PITHD1: variants seen among roughly 807,000 people sequenced by gnomAD.
PITHD1 encodes PITH domain containing 1.
Under a neutral mutation model 27.5 loss-of-function variants are expected in PITHD1, and 8 were observed. The observed-to-expected ratio is 0.29, with a 90% CI of 0.17 to 0.52. The LOEUF (loss-of-function observed/expected upper bound fraction) is 0.52, where lower values mean the gene tolerates loss of function less well. PITHD1 is among the 20% of genes least tolerant of loss of function. The probability of loss-of-function intolerance (pLI) is 0.96; values close to 1 mark genes in which losing one functional copy is unlikely to be tolerated. For missense variants in PITHD1, 233 were observed against 283.9 expected (o/e 0.82, Z 1.29); for synonymous variants, 118 against 106.8 (o/e 1.10, Z -0.64).
chr1:23,778,666 G>A lies in PITHD1; in HGVS notation c.151G>A (p.Gly51Ser). Residue 51 changes from glycine to serine, a missense_variant, in exon 1 of 6, where the codon GGC (glycine) becomes AGC (serine). By Grantham distance (56) the Gly-to-Ser change is moderately conservative. Coordinates refer to ENST00000246151, the MANE Select transcript of PITHD1 (RefSeq NM_020362.5). ...QCLNESREGSGRGVFKPWEER... is the reference protein window; with the variant it reads ...QCLNESREGSSRGVFKPWEER... ...CCTTAACGAGAGCCGCGAGGGCAGC[G>A]GCCGCGGCGTCTTCAAGCCGTGGGA... 1 of 1,323,240 alleles carries A rather than the reference G, an allele frequency of 7.6e-7. No individual in the cohort carries two copies. The allele number at this position is 1,323,240 out of a possible 1,614,324, so 82.0% of individuals were successfully genotyped here. A position where few individuals can be genotyped will look rare whatever the true frequency, so the allele number is the denominator to read the frequency against.
At chr1:23,779,250 G>A in intron 1 of PITHD1, 188 bp from the exon 2 acceptor site, 1 of 559,058 alleles carries the variant, frequency 1.8e-6, no homozygotes. Flanking sequence ...CCTTCCAGTT[G>A]GGTGGCCTGT....
At position 23,778,448 on chromosome 1, in the gene PITHD1, T is replaced by G. The variant is rs1638541715; in HGVS notation, c.-68T>G. The G allele has an allele frequency of 3.6e-6, 4 of 1,122,164 alleles. No homozygotes were observed. Among genetic ancestry groups the G allele is most frequent in the Admixed American group, 9.2e-5 (2 of 21,628 alleles). 69.5% of individuals were successfully genotyped at this position (1,122,164 alleles called of 1,614,324 possible). ...CCGGAGCTGAACGGCGCGGAGCTGG[T>G]CTGAGGCGAGCCGAGCCGAGCGAGC... On this transcript the variant is annotated 5_prime_UTR_variant, in exon 1 of 6. Transcript: ENST00000246151.
rs1054775089 is a variant in PITHD1, at chr1:23,778,464, C to G, written c.-52C>G. The G allele has an allele frequency of 2.8e-5, 35 of 1,272,604 alleles. No individual in the cohort carries two copies. The highest frequency in any genetic ancestry group is 3.2e-5 in the Non-Finnish European group (32 of 995,138). The allele number at this position is 1,272,604 out of a possible 1,614,324, so 78.8% of individuals were successfully genotyped here. A position where few individuals can be genotyped will look rare whatever the true frequency, so the allele number is the denominator to read the frequency against. On this transcript the variant is annotated 5_prime_UTR_variant, in exon 1 of 6. Coordinates refer to ENST00000246151, the MANE Select transcript of PITHD1 (RefSeq NM_020362.5). ...CGGAGCTGGTCTGAGGCGAGCCGAGCCGAGCGAGCGCGGCGGTGGGGCCGA... is the reference window on the plus strand; with the variant it reads ...CGGAGCTGGTCTGAGGCGAGCCGAGGCGAGCGAGCGCGGCGGTGGGGCCGA...
intron 4 of PITHD1, 129 bp from the exon 5 acceptor site, chr1:23,786,186 G>A (rs1638679325): frequency 1.8e-6 from 1 of 554,284 alleles, no homozygotes; most frequent in Non-Finnish European, 3.3e-6. Context: ...CAAAGGAGAA[G>A]GAAGAACTCA....
At chr1:23,782,237 G>T (rs1028301627) in intron 3 of PITHD1, among the ~76,000 whole-genome samples, 2 of 151,922 alleles carry the variant, frequency 1.3e-5, no homozygotes, top group Admixed American at 6.6e-5. Flanking sequence ...TGGCCAACAT[G>T]GTGAAACCCT....
intron 3 of PITHD1, among the ~76,000 whole-genome samples, chr1:23,781,239 G>C (rs1219383977): frequency 6.6e-6 from 1 of 152,108 alleles, no homozygotes; most frequent in Non-Finnish European, 1.5e-5. Context: ...GAGGCGGGCG[G>C]ATCACTTGAG....
intron 3 of PITHD1, among the ~76,000 whole-genome samples, chr1:23,783,400 C>T (rs889502991): frequency 3.8e-5 from 5 of 133,198 alleles, no homozygotes; most frequent in Admixed American, 1.5e-4. Context: ...CATATATACG[C>T]ATATATACAC....
chr1:23,780,896 T>A (rs968863949), intron 3 of PITHD1, among the ~76,000 whole-genome samples: 1 of 148,696 alleles, frequency 6.7e-6, no homozygotes, highest in Non-Finnish European at 1.5e-5. Flanking sequence ...TAAAAACAAA[T>A]AAATAAAAAA....
At chr1:23,784,234 C>T (rs376783556) in intron 3 of PITHD1, among the ~76,000 whole-genome samples, 12 of 81,444 alleles carry the variant, frequency 1.5e-4, no homozygotes, top group Admixed American at 3.6e-4. Flanking sequence ...CATTTGCTTT[C>T]TTTTTTTTTT....
At chr1:23,779,787 G>T in intron 2 of PITHD1, 77 bp from the exon 3 acceptor site, 1 of 1,033,000 alleles carries the variant, frequency 9.7e-7, no homozygotes, top group African/African-American at 1.6e-5. Context: ...TACAGGGGAA[G>T]GGTCTTGCCC....
At position 23,787,280 on chromosome 1, in the gene PITHD1, C is replaced by T; in HGVS notation, c.540C>T (p.Arg180=). 3 of 1,613,166 alleles carry T rather than the reference C, an allele frequency of 1.9e-6. No homozygotes were observed. Among genetic ancestry groups the T allele is most frequent in the Non-Finnish European group, 2.5e-6 (3 of 1,179,236 alleles). ...CAGCCTCAATTTTCTTGCAGCTTCG[C>T]CGACACGAGGTGACCATCTGCAATT... ...IGLRGEWTEL[R]RHEVTICNYE... The change falls in exon 6 of 6, where the codon CGC becomes CGT. Residue 180 remains arginine (R), a synonymous_variant. Transcript: ENST00000246151.
chr1:23,785,770 A>C lies in PITHD1; in HGVS notation c.416A>C (p.Tyr139Ser). The stretch of plus-strand genomic sequence containing the variant: ...CGGGATCTTACAGGAGAATTAGAGT[A>C]TGCTACAAAGTAAGCACTGGGCCTG... ...LNRDLTGELE[Y>S]ATKISRFSNV... Residue 139 changes from tyrosine to serine, a missense_variant, in exon 4 of 6, where the codon TAT (tyrosine) becomes TCT (serine). Coordinates refer to ENST00000246151, the MANE Select transcript of PITHD1 (RefSeq NM_020362.5). The C allele has an allele frequency of 6.3e-7, 1 of 1,588,714 alleles. No homozygotes were observed. The highest frequency in any genetic ancestry group is 8.6e-7 in the Non-Finnish European group (1 of 1,156,942).
Position 23,778,608 on chromosome 1 carries a change from G to A in PITHD1, c.93G>A (p.Leu31=), listed in dbSNP as rs1350317946. 1.5e-6 allele frequency: 2 copies of A among 1,334,166 alleles called. No homozygotes were observed. The highest frequency in any genetic ancestry group is 1.9e-6 in the Non-Finnish European group (2 of 1,043,752). The allele number at this position is 1,334,166 out of a possible 1,614,324, so 82.6% of individuals were successfully genotyped here. ...PPEQRGLAYG[L]YLRIDLERLQ... is the part of the protein sequence containing the mutation. ...AGCAGCGCGGCCTGGCCTACGGCCTGTACCTGCGCATCGACCTGGAGCGGC... is the reference window on the plus strand; with the variant it reads ...AGCAGCGCGGCCTGGCCTACGGCCTATACCTGCGCATCGACCTGGAGCGGC... The change falls in exon 1 of 6, where the codon CTG becomes CTA. Residue 31 remains leucine (L), a synonymous_variant. Transcript: ENST00000246151.
At chr1:23,786,498 A>C (rs1270647229) in intron 5 of PITHD1, 75 bp downstream of exon 5, 17 of 567,582 alleles carry the variant, frequency 3.0e-5, no homozygotes, top group Non-Finnish European at 5.0e-5. Flanking sequence ...CTTCCAGGGA[A>C]GGGAAAAGAG....
chr1:23,783,137 C>G (rs1389165242), intron 3 of PITHD1, among the ~76,000 whole-genome samples: 2 of 151,456 alleles, frequency 1.3e-5, no homozygotes, highest in Admixed American at 1.3e-4. Context: ...GCGGGGACTA[C>G]AGGTGCCCGC....
intron 3 of PITHD1, among the ~76,000 whole-genome samples, chr1:23,783,410 C>T (rs1019246942): frequency 2.9e-5 from 4 of 138,520 alleles, no homozygotes; most frequent in South Asian, 2.2e-4. Flanking sequence ...CATATATACA[C>T]ATATATATGC....
At position 23,787,465 on chromosome 1, in the gene PITHD1, G is replaced by C. The variant is rs1227779378; in HGVS notation, c.*89G>C. The C allele has an allele frequency of 7.8e-6, 6 of 764,916 alleles. No individual in the cohort carries two copies. The highest frequency in any genetic ancestry group is 5.2e-5 in the African/African-American group (3 of 57,466). The allele number at this position is 764,916 out of a possible 1,614,324, so 47.4% of individuals were successfully genotyped here. On this transcript the variant is annotated 3_prime_UTR_variant, in exon 6 of 6. Transcript: ENST00000246151. Reference sequence around the variant, plus strand: ...GGACAAAGGGATGAGGCTCCAGAGAGAGTTGGCTGCCACAGCCTCTGCCAA... The same window carrying C: ...GGACAAAGGGATGAGGCTCCAGAGACAGTTGGCTGCCACAGCCTCTGCCAA...
At chr1:23,785,433 C>CAGTGAGCTGAGATTGT (rs1638667997) in intron 3 of PITHD1, 3 of 267,294 alleles carry the variant, frequency 1.1e-5, no homozygotes, top group South Asian at 8.4e-5. Flanking sequence ...GTGGAGGTTG[C>CAGTGAGCTGAGATTGT]AGTGAGCTGA....
At chr1:23,784,481 C>G (rs1252060191) in intron 3 of PITHD1, among the ~76,000 whole-genome samples, 1 of 152,042 alleles carries the variant, frequency 6.6e-6, no homozygotes, top group African/African-American at 2.4e-5. Flanking sequence ...ACCTCATGAT[C>G]TGCCCGCCTC....
Sources: gnomAD v4.1 joint callset for allele counts (sites outside exome capture counted in the v4.1 genomes callset) on GRCh38, gnomAD v4.1.1 for gene constraint, MANE v1.5 for transcripts, NCBI Gene and HGNC (gene_info 2026-07-23, HGNC 2026-07-21) for gene names.